The following KDM4C variants were observed in gnomAD, a reference collection of about 807,000 sequenced individuals.
KDM4C encodes the protein lysine demethylase 4C, also known as lysine-specific demethylase 4C.
Under a neutral mutation model 129.3 loss-of-function variants are expected in KDM4C, and 81 were observed. The observed-to-expected ratio is 0.63, with a 90% CI of 0.52 to 0.75. KDM4C has a LOEUF of 0.75. Ranked by LOEUF, KDM4C falls within the 30% of genes least tolerant of loss-of-function variation. The pLI, the probability that KDM4C is intolerant of heterozygous loss-of-function variation, is 0.00. For synonymous variants in KDM4C, 573 were observed against 456.1 expected (o/e 1.26, Z -3.26); for missense variants, 1,457 against 1,304.0 (o/e 1.12, Z -1.81).
At chr9:7,166,392 C>T (rs1386606450) in intron 20 of KDM4C, among the ~76,000 whole-genome samples, 1 of 151,934 alleles carries the variant, frequency 6.6e-6, no homozygotes, top group Admixed American at 6.6e-5. Context: ...TTTTCATGGT[C>T]TAGAAAAACC....
intron 8 of KDM4C, among the ~76,000 whole-genome samples, chr9:6,938,732 G>A (rs565461993): frequency 7.5e-4 from 114 of 152,182 alleles, no homozygotes; most frequent in African/African-American, 2.6e-3. Flanking sequence ...ACTTCAAATG[G>A]TTTTTACTTC....
At chr9:7,076,693 A>T (rs1438811135) in intron 17 of KDM4C, 10 of 1,251,778 alleles carry the variant, frequency 8.0e-6, no homozygotes, top group Non-Finnish European at 1.0e-5. Flanking sequence ...TTTGTGTTTA[A>T]TTTTTTTAAA....
intron 8 of KDM4C, among the ~76,000 whole-genome samples, chr9:6,893,881 A>C (rs910868441): frequency 6.6e-6 from 1 of 152,220 alleles, no homozygotes; most frequent in Non-Finnish European, 1.5e-5. Flanking sequence ...TGTGGTGTTA[A>C]ATAGAAGACA....
chr9:6,963,640 C>A (rs1186730779), intron 8 of KDM4C, among the ~76,000 whole-genome samples: 1 of 152,202 alleles, frequency 6.6e-6, no homozygotes, highest in Admixed American at 6.5e-5. Context: ...GACAGGACAT[C>A]TGAGTTGATA....
chr9:6,981,062 C>G lies in KDM4C; in HGVS notation c.1059C>G (p.Thr353=). Residue 353 remains threonine, a synonymous_variant, in exon 9 of 22, where the codon ACC becomes ACG. Coordinates refer to ENST00000381309, the MANE Select transcript of KDM4C (RefSeq NM_015061.6). The part of the protein sequence containing the change: ...IDHTKPTPAS[T]PEVKAWLQRR... ...ACACGAAGCCTACTCCAGCATCCACCCCTGAAGTAAAAGCATGGCTGCAGA... is the reference window on the plus strand; with the variant it reads ...ACACGAAGCCTACTCCAGCATCCACGCCTGAAGTAAAAGCATGGCTGCAGA... 1.2e-6 allele frequency: 2 copies of G among 1,613,452 alleles called. No individual in the cohort carries two copies. Among genetic ancestry groups the G allele is most frequent in the Middle Eastern group, 1.7e-4 (1 of 6,060 alleles).
At chr9:6,866,272 CTTCT>C (rs1427814104) in intron 5 of KDM4C, among the ~76,000 whole-genome samples, 5 of 151,814 alleles carry the variant, frequency 3.3e-5, no homozygotes, top group Non-Finnish European at 7.4e-5. Context: ...ATTCTTGACC[CTTCT>C]TTCTTTCTTT....
intron 1 of KDM4C, among the ~76,000 whole-genome samples, chr9:6,752,563 A>C (rs1818109119): frequency 6.6e-6 from 1 of 150,816 alleles, no homozygotes; most frequent in Non-Finnish European, 1.5e-5. Context: ...GGCATGCACC[A>C]CCATGCCTGG....
intron 17 of KDM4C, among the ~76,000 whole-genome samples, chr9:7,065,554 A>T (rs552978941): frequency 2.6e-5 from 4 of 152,196 alleles, no homozygotes; most frequent in African/African-American, 7.2e-5. Context: ...AAAAAGAATC[A>T]TGACATTCTG....
At chr9:6,922,300 G>A (rs149401397) in intron 8 of KDM4C, among the ~76,000 whole-genome samples, 1 of 152,158 alleles carries the variant, frequency 6.6e-6, no homozygotes, top group Non-Finnish European at 1.5e-5. Flanking sequence ...TTGCCCTTAT[G>A]CAGGGCATGT....
chr9:7,137,862 C>G (rs988780342), intron 19 of KDM4C, among the ~76,000 whole-genome samples: 1 of 152,152 alleles, frequency 6.6e-6, no homozygotes, highest in Non-Finnish European at 1.5e-5. Context: ...GTTTATGTTC[C>G]TTTTCGACCA....
At chr9:7,170,212 C>G in intron 21 of KDM4C, 5 of 1,206,428 alleles carry the variant, frequency 4.1e-6, no homozygotes, top group Non-Finnish European at 5.2e-6. Flanking sequence ...ACCATCAAGG[C>G]ATTTGCAATC....
intron 12 of KDM4C, among the ~76,000 whole-genome samples, chr9:7,004,267 A>T (rs975926526): frequency 1.3e-5 from 2 of 152,228 alleles, no homozygotes; most frequent in Non-Finnish European, 2.9e-5. Context: ...GAGTGAACGA[A>T]TCTGGCAAAA....
At chr9:7,117,431 C>T (rs543862738) in intron 18 of KDM4C, among the ~76,000 whole-genome samples, 1 of 152,010 alleles carries the variant, frequency 6.6e-6, no homozygotes, top group Non-Finnish European at 1.5e-5. Context: ...TCGCTTGCTT[C>T]TCTCATTTGA....
chr9:6,759,310 A>G (rs970842008), intron 1 of KDM4C, among the ~76,000 whole-genome samples: 1 of 152,140 alleles, frequency 6.6e-6, no homozygotes, highest in Non-Finnish European at 1.5e-5. Context: ...GCTTGGCTTT[A>G]CTGTTTCTAT....
intron 15 of KDM4C, 26 bp from the exon 16 acceptor site, chr9:7,046,836 C>T: frequency 4.5e-6 from 7 of 1,547,898 alleles, no homozygotes; most frequent in Non-Finnish European, 5.4e-6. Flanking sequence ...GTCTGGTCAT[C>T]ATGTGGTATT....
At chr9:7,062,022 C>T (rs1011413594) in intron 17 of KDM4C, among the ~76,000 whole-genome samples, 3 of 152,182 alleles carry the variant, frequency 2.0e-5, no homozygotes, top group East Asian at 3.9e-4. Context: ...GGCTGGAGTG[C>T]AGTGTTGCGA....
At chr9:7,054,274 C>T (rs1172260299) in intron 17 of KDM4C, among the ~76,000 whole-genome samples, 1 of 152,084 alleles carries the variant, frequency 6.6e-6, no homozygotes, top group Non-Finnish European at 1.5e-5. Flanking sequence ...AAGAATTGAC[C>T]CCAAGTGGTA....
intron 1 of KDM4C, among the ~76,000 whole-genome samples, chr9:6,772,779 GC>G (rs1822157553): frequency 1.4e-5 from 2 of 141,278 alleles, no homozygotes; most frequent in African/African-American, 2.7e-5. Flanking sequence ...TGCAGCCTCT[GC>G]CCCCCGGATT....
intron 19 of KDM4C, among the ~76,000 whole-genome samples, chr9:7,163,901 A>G (rs1031208476): frequency 1.3e-5 from 2 of 152,330 alleles, no homozygotes; most frequent in Admixed American, 6.5e-5. Flanking sequence ...CTTTAGCTCC[A>G]ATGGAAGCAT....
Sources: allele counts gnomAD v4.1 joint callset (sites outside exome capture counted in the v4.1 genomes callset), GRCh38; gene constraint gnomAD v4.1.1; transcripts MANE v1.5; gene names NCBI Gene and HGNC (gene_info 2026-07-23, HGNC 2026-07-21).